The following IFT88 variants were observed in gnomAD, a reference collection of about 807,000 sequenced individuals.
The protein encoded by IFT88 is intraflagellar transport 88.
Under a neutral mutation model 119.5 loss-of-function variants are expected in IFT88, and 74 were observed. That is an observed-to-expected ratio of 0.62 (90% confidence interval 0.51 to 0.75). The LOEUF (loss-of-function observed/expected upper bound fraction) is 0.75. Ranked by LOEUF, IFT88 falls within the 30% of genes least tolerant of loss-of-function variation. The pLI is 0.00. For synonymous variants in IFT88, 279 were observed against 316.7 expected, an observed-to-expected ratio of 0.88 and a Z score of 1.26; for missense variants, 961 against 977.7, an observed-to-expected ratio of 0.98 and a Z score of 0.23.
intron 3 of IFT88, among the ~76,000 whole-genome samples, chr13:20,588,753 C>T (rs1015108801): frequency 9.2e-5 from 14 of 152,156 alleles, no homozygotes; most frequent in African/African-American, 3.4e-4. Context: ...AGAGAATTTA[C>T]TTTTACTTAT....
intron 20 of IFT88, among the ~76,000 whole-genome samples, chr13:20,647,579 A>G (rs1022478186): frequency 1.3e-5 from 2 of 152,152 alleles, no homozygotes; most frequent in Admixed American, 6.6e-5. Context: ...TTTTCTTTAC[A>G]TTCATAAATC....
chr13:20,607,849 C>G (rs2043781651), intron 13 of IFT88: 2 of 724,000 alleles, frequency 2.8e-6, no homozygotes. Context: ...CACAGTGTCC[C>G]TGATCATGCT....
At chr13:20,658,166 G>C (rs1181825245) in intron 22 of IFT88, among the ~76,000 whole-genome samples, 1 of 150,084 alleles carries the variant, frequency 6.7e-6, no homozygotes, top group African/African-American at 2.5e-5. Flanking sequence ...GCGCCATCTT[G>C]GCTCACTGCA....
intron 19 of IFT88, among the ~76,000 whole-genome samples, chr13:20,644,456 G>A (rs2497496): frequency 0.21 from 32,149 of 151,948 alleles, 3,936 homozygotes; most frequent in African/African-American, 0.31. Context: ...AGCCAAGATC[G>A]CATTTACTAC....
chr13:20,618,090 T>C (rs1043619147), intron 14 of IFT88, among the ~76,000 whole-genome samples: 1 of 152,104 alleles, frequency 6.6e-6, no homozygotes, highest in African/African-American at 2.4e-5. Context: ...CAGCTAATTT[T>C]TTTGTATTTT....
chr13:20,635,910 A>T (rs190944532), intron 16 of IFT88, among the ~76,000 whole-genome samples: 2 of 152,326 alleles, frequency 1.3e-5, no homozygotes, highest in East Asian at 3.9e-4. Context: ...AAATAAAAAA[A>T]AAAGGAAAGA....
intron 1 of IFT88, among the ~76,000 whole-genome samples, chr13:20,569,309 C>T (rs2035707341): frequency 6.6e-6 from 1 of 151,876 alleles, no homozygotes; most frequent in African/African-American, 2.4e-5. Flanking sequence ...CGTGGTGGCT[C>T]ACGCCTGTAA....
At chr13:20,675,228 T>G (rs2056509568) in intron 24 of IFT88, among the ~76,000 whole-genome samples, 3 of 152,034 alleles carry the variant, frequency 2.0e-5, no homozygotes, top group Admixed American at 1.3e-4. Flanking sequence ...CAGAAGGAAT[T>G]GCTGGACATC....
intron 15 of IFT88, among the ~76,000 whole-genome samples, chr13:20,628,438 G>A (rs1170816419): frequency 6.6e-6 from 1 of 152,004 alleles, no homozygotes; most frequent in African/African-American, 2.4e-5. Flanking sequence ...TTGTTTTCAG[G>A]GAAACAAACA....
rs187884599 is a variant in IFT88, at chr13:20,581,119, A to G, written c.91-1838A>G. On this transcript the variant is annotated intron_variant, in intron 2 of 25. Transcript: ENST00000351808. ...ATTTAATGTGAAGTGAATACTCAGAATATCAGACCCAAAAATAAATTAGAC... is the reference window on the plus strand; with the variant it reads ...ATTTAATGTGAAGTGAATACTCAGAGTATCAGACCCAAAAATAAATTAGAC... 3.9e-5 allele frequency among the ~76,000 whole-genome samples: 6 copies of G among 152,334 alleles called. No individual in the cohort carries two copies. The East Asian group carries it at 1.2e-3, about 29-fold the overall frequency.
chr13:20,687,600 C>T (rs940775584), intron 24 of IFT88, among the ~76,000 whole-genome samples: 1 of 152,102 alleles, frequency 6.6e-6, no homozygotes, highest in African/African-American at 2.4e-5. Context: ...TTTTAAATGA[C>T]ATTTTTGTAT....
At chr13:20,602,936 A>G (rs1483742781) in intron 12 of IFT88, among the ~76,000 whole-genome samples, 1 of 152,164 alleles carries the variant, frequency 6.6e-6, no homozygotes, top group African/African-American at 2.4e-5. Context: ...GTGGAACATA[A>G]TGCAGTTATC....
At chr13:20,640,446 G>A (rs141162341) in intron 17 of IFT88, among the ~76,000 whole-genome samples, 4,734 of 151,848 alleles carry the variant, frequency 0.031, 243 homozygotes, top group African/African-American at 0.11. Flanking sequence ...GATGGCGGGC[G>A]CCTGTAGTCC....
intron 13 of IFT88, among the ~76,000 whole-genome samples, chr13:20,614,839 G>A (rs1209887187): frequency 9.7e-4 from 55 of 56,558 alleles, no homozygotes; most frequent in African/African-American, 2.0e-3. Context: ...TTTTTGAGAC[G>A]GAGTCTCACT....
At chr13:20,615,724 A>G (rs2045496731) in intron 13 of IFT88, 69 bp from the exon 14 acceptor site, 2 of 829,988 alleles carry the variant, frequency 2.4e-6, no homozygotes, top group African/African-American at 1.8e-5. Context: ...GTTTACACTT[A>G]AATTTTAGGA....
chr13:20,671,230 C>G (rs189863884), intron 24 of IFT88, among the ~76,000 whole-genome samples, 191 bp downstream of exon 24: 1 of 149,990 alleles, frequency 6.7e-6, no homozygotes, highest in African/African-American at 2.5e-5. Flanking sequence ...TAAATGCTAA[C>G]AGATTTTCTT....
intron 14 of IFT88, among the ~76,000 whole-genome samples, chr13:20,625,105 A>G (rs1040096866): frequency 7.2e-5 from 11 of 152,318 alleles, no homozygotes; most frequent in South Asian, 2.1e-4. Flanking sequence ...ATTGATTTCA[A>G]TAACTCAGTA....
intron 24 of IFT88, among the ~76,000 whole-genome samples, chr13:20,689,531 G>C (rs1364130829): frequency 1.3e-5 from 2 of 152,154 alleles, no homozygotes; most frequent in Non-Finnish European, 2.9e-5. Context: ...ATGTACCCAT[G>C]AGTCAAAGAA....
intron 15 of IFT88, among the ~76,000 whole-genome samples, chr13:20,630,450 A>G (rs1010629626): frequency 3.9e-5 from 6 of 152,330 alleles, no homozygotes; most frequent in Middle Eastern, 3.4e-3. Context: ...TTTTGTAAAG[A>G]TCAAATTTGA....
Sources: gnomAD v4.1 joint callset for allele counts (sites outside exome capture counted in the v4.1 genomes callset) on GRCh38, gnomAD v4.1.1 for gene constraint, MANE v1.5 for transcripts, NCBI Gene and HGNC (gene_info 2026-07-23, HGNC 2026-07-21) for gene names.